The following PCDH15 variants were observed in gnomAD, a reference collection of about 807,000 sequenced individuals.
PCDH15 encodes the protein protocadherin related 15, also known as protocadherin-15.
In PCDH15, 129 loss-of-function variants were observed where a neutral mutation model predicts 178.5. The observed-to-expected ratio is 0.72, with a 90% CI of 0.63 to 0.84. The LOEUF (loss-of-function observed/expected upper bound fraction) is 0.84, where lower values mean the gene tolerates loss of function less well. Ranked by LOEUF, PCDH15 falls within the 40% of genes least tolerant of loss-of-function variation. The probability of loss-of-function intolerance (pLI) is 0.00; values close to 1 mark genes in which losing one functional copy is unlikely to be tolerated. For missense variants in PCDH15, 2,230 were observed against 2,099.9 expected (o/e 1.06, Z -1.21); for synonymous variants, 800 against 732.0 (o/e 1.09, Z -1.50).
At chr10:54,169,972 C>T (rs1008567328) in intron 13 of PCDH15, among the ~76,000 whole-genome samples, 109 of 151,102 alleles carry the variant, frequency 7.2e-4, no homozygotes, top group Non-Finnish European at 1.2e-3. Context: ...TCAGTACCTG[C>T]CTCTATAACC....
intron 2 of PCDH15, among the ~76,000 whole-genome samples, chr10:55,615,314 T>C (rs147665506): frequency 6.6e-6 from 1 of 152,132 alleles, no homozygotes; most frequent in Non-Finnish European, 1.5e-5. Context: ...TGAAAAACAG[T>C]AGTAAACAAT....
chr10:55,208,397 T>C (rs1270684180), intron 1 of PCDH15, among the ~76,000 whole-genome samples: 6 of 152,006 alleles, frequency 3.9e-5, no homozygotes, highest in African/African-American at 1.2e-4. Context: ...CACTCAACTC[T>C]CATTCTTCTC....
intron 25 of PCDH15, among the ~76,000 whole-genome samples, chr10:53,904,938 G>A (rs1325843693): frequency 2.0e-5 from 3 of 152,120 alleles, no homozygotes; most frequent in Admixed American, 6.5e-5. Context: ...CAGAGGTCTC[G>A]GAAAAATACT....
At chr10:54,413,028 T>G (rs371100147) in intron 3 of PCDH15, among the ~76,000 whole-genome samples, 27 of 152,322 alleles carry the variant, frequency 1.8e-4, no homozygotes, top group Non-Finnish European at 3.1e-4. Context: ...CCTACCTACT[T>G]GCTTACTGAA....
chr10:54,535,084 C>T (rs2084330961), intron 2 of PCDH15, among the ~76,000 whole-genome samples: 1 of 152,130 alleles, frequency 6.6e-6, no homozygotes, highest in African/African-American at 2.4e-5. Flanking sequence ...TTGTGTTACT[C>T]TCTTGGCATT....
intron 3 of PCDH15, among the ~76,000 whole-genome samples, chr10:54,807,294 T>C (rs1189032438): frequency 6.6e-6 from 1 of 152,158 alleles, no homozygotes; most frequent in East Asian, 1.9e-4. Flanking sequence ...TACATAATTG[T>C]ATCAGAGAAA....
intron 2 of PCDH15, among the ~76,000 whole-genome samples, chr10:54,570,415 TTTAA>T (rs1164329831): frequency 6.6e-6 from 1 of 152,210 alleles, no homozygotes; most frequent in African/African-American, 2.4e-5. Flanking sequence ...CTTACTCATT[TTTAA>T]TTGAGAGAAT....
At chr10:54,099,550 A>C (rs1490050380) in intron 15 of PCDH15, among the ~76,000 whole-genome samples, 3 of 148,800 alleles carry the variant, frequency 2.0e-5, no homozygotes, top group Non-Finnish European at 4.5e-5. Context: ...AAACAAAAAA[A>C]CAGATAAAAC....
At chr10:54,802,140 C>T (rs2133714077), upstream of PCDH15, among the ~76,000 whole-genome samples, 1 of 152,228 alleles carries the variant, frequency 6.6e-6, no homozygotes, top group South Asian at 2.1e-4. Context: ...CAGACAAAAG[C>T]CCCAGAACAC....
chr10:53,817,672 T>C (rs1286099862), intron 34 of PCDH15, among the ~76,000 whole-genome samples: 1 of 151,552 alleles, frequency 6.6e-6, no homozygotes, highest in East Asian at 1.9e-4. Context: ...CAGGCAGTAA[T>C]CCTAGTTTCT....
intron 2 of PCDH15, among the ~76,000 whole-genome samples, chr10:54,593,348 ATT>A (rs1040214613): frequency 1.3e-5 from 2 of 152,006 alleles, no homozygotes; most frequent in Non-Finnish European, 2.9e-5. Context: ...GTTAATTTTT[ATT>A]TTTGTATGTG....
intron 2 of PCDH15, among the ~76,000 whole-genome samples, chr10:55,497,390 A>G (rs1231805755): frequency 6.6e-6 from 1 of 151,666 alleles, no homozygotes; most frequent in Non-Finnish European, 1.5e-5. Flanking sequence ...TTGGCCTCAC[A>G]AAGTGTTAGG....
intron 1 of PCDH15, among the ~76,000 whole-genome samples, chr10:55,202,967 G>T (rs1564888738): frequency 6.6e-6 from 1 of 152,074 alleles, no homozygotes; most frequent in African/African-American, 2.4e-5. Flanking sequence ...ATCCAGTCTT[G>T]GGTATTTTAT....
intron 25 of PCDH15, among the ~76,000 whole-genome samples, chr10:53,920,133 G>A (rs890343105): frequency 2.6e-5 from 4 of 152,070 alleles, no homozygotes; most frequent in Non-Finnish European, 5.9e-5. Flanking sequence ...CTATAAAGTT[G>A]AGGACTTTTT....
chr10:54,496,521 C>T (rs2080128724), intron 3 of PCDH15, among the ~76,000 whole-genome samples: 1 of 152,148 alleles, frequency 6.6e-6, no homozygotes, highest in Admixed American at 6.6e-5. Flanking sequence ...TCACCCAGAG[C>T]TGCCCACTCC....
chr10:53,846,085 T>C (rs1485561316), intron 28 of PCDH15, among the ~76,000 whole-genome samples: 3 of 150,660 alleles, frequency 2.0e-5, no homozygotes, highest in Non-Finnish European at 4.4e-5. Flanking sequence ...ATGCCAAAAA[T>C]TTCCCTGAAT....
intron 27 of PCDH15, among the ~76,000 whole-genome samples, chr10:53,864,481 G>C (rs767674533): frequency 7.2e-5 from 11 of 152,158 alleles, no homozygotes; most frequent in Admixed American, 1.3e-4. Context: ...GCCAAGCAGG[G>C]GCCATCCTTT....
At chr10:54,169,470 A>G (rs1590927299) in intron 13 of PCDH15, among the ~76,000 whole-genome samples, 1 of 139,338 alleles carries the variant, frequency 7.2e-6, no homozygotes, top group East Asian at 2.0e-4. Flanking sequence ...ATACTCTTTT[A>G]AGCACTCCTT....
intron 1 of PCDH15, among the ~76,000 whole-genome samples, chr10:55,277,942 T>A (rs1236569049): frequency 1.3e-5 from 2 of 152,118 alleles, no homozygotes; most frequent in Admixed American, 6.6e-5. Context: ...TTTACTACTG[T>A]TTTTCATTAT....
Sources: allele counts gnomAD v4.1 joint callset (sites outside exome capture counted in the v4.1 genomes callset), GRCh38; gene constraint gnomAD v4.1.1; transcripts MANE v1.5; gene names NCBI Gene and HGNC (gene_info 2026-07-23, HGNC 2026-07-21).